Variants in ABLIM2 observed in about 807,000 individuals in gnomAD.
ABLIM2 encodes the protein actin binding LIM protein family member 2, also known as actin-binding LIM protein 2.
In ABLIM2, 53 loss-of-function variants were observed where a neutral mutation model predicts 97.7. The ratio of observed to expected loss-of-function variants is 0.54; its 90% CI spans 0.44 to 0.68. The LOEUF is 0.68. ABLIM2 is among the 30% of genes least tolerant of loss of function. ABLIM2 has a pLI of 0.00. For missense variants in ABLIM2, 835 were observed against 867.2 expected (o/e 0.96, Z 0.47); for synonymous variants, 361 against 345.8 (o/e 1.04, Z -0.49).
At chr4:8,105,805 AT>A (rs1323885495) in intron 2 of ABLIM2, among the ~76,000 whole-genome samples, 1 of 152,206 alleles carries the variant, frequency 6.6e-6, no homozygotes, top group Non-Finnish European at 1.5e-5. Context: ...CTCCAGTGCT[AT>A]TTTTAATCTA....
chr4:8,099,003 G>A (rs937457325), intron 2 of ABLIM2, among the ~76,000 whole-genome samples: 1 of 152,240 alleles, frequency 6.6e-6, no homozygotes, highest in African/African-American at 2.4e-5. Context: ...CTCCTCCTGG[G>A]CGTTCCGGGG....
chr4:8,043,074 C>A lies in ABLIM2; in HGVS notation c.900+2090G>T, dbSNP rs1789796987. 6.6e-6 allele frequency among the ~76,000 whole-genome samples: 1 copy of A among 151,998 alleles called. No homozygotes were observed. Among genetic ancestry groups the A allele is most frequent in the African/African-American group, 2.4e-5 (1 of 41,372 alleles). On this transcript the variant is annotated intron_variant, in intron 9 of 20. Coordinates refer to ENST00000447017, the MANE Select transcript of ABLIM2 (RefSeq NM_001130083.2). The surrounding 1 kb of genome is among the most constrained non-coding windows in gnomAD (Gnocchi z 4.8). ...GCTGAGGTGGGAGGATCGCCTGAGC[C>A]CGGGGAGGTTGAGGCTGCCATGAGC...
chr4:8,072,366 G>A lies in ABLIM2; in HGVS notation c.675+5262C>T, dbSNP rs546594076. The stretch of plus-strand genomic sequence containing the variant: ...CCACTTTGCTCGCCCAGTGCGGAGC[G>A]TGCCTGAGGCAGAGCAGCCCCAGTT... On this transcript the variant is annotated intron_variant, in intron 6 of 20. Transcript: ENST00000447017. This position sits in a 1 kb window ranked among gnomAD's most constrained non-coding sequence, Gnocchi z 5.8. 6.6e-5 allele frequency among the ~76,000 whole-genome samples: 10 copies of A among 152,308 alleles called. No individual in the cohort carries two copies. In the South Asian group the frequency reaches 1.4e-3, roughly 22 times the overall value.
Position 8,147,041 on chromosome 4 carries a change from C to A in ABLIM2, c.10+11639G>T, listed in dbSNP as rs571592221. On this transcript the variant is annotated intron_variant, in intron 1 of 20. Transcript: ENST00000447017. The surrounding 1 kb of genome is among the most constrained non-coding windows in gnomAD (Gnocchi z 5.3). ...CAGAGCATGTAACCCCTGCAATCAACGGCTTTTTATTTCTGAAATTCATGT... is the reference window on the plus strand; with the variant it reads ...CAGAGCATGTAACCCCTGCAATCAAAGGCTTTTTATTTCTGAAATTCATGT... Among the ~76,000 whole-genome samples, 1 of 152,132 alleles carries A rather than the reference C, an allele frequency of 6.6e-6. No homozygotes were observed. Among genetic ancestry groups the A allele is most frequent in the East Asian group, 1.9e-4 (1 of 5,194 alleles).
At chr4:8,100,686 C>T (rs1022337173) in intron 2 of ABLIM2, among the ~76,000 whole-genome samples, 1 of 137,708 alleles carries the variant, frequency 7.3e-6, no homozygotes, top group African/African-American at 2.7e-5. Flanking sequence ...GCGGAGATTG[C>T]GGTGAGCCAA....
intron 1 of ABLIM2, among the ~76,000 whole-genome samples, chr4:8,119,210 C>T (rs1282881760): frequency 6.6e-6 from 1 of 151,950 alleles, no homozygotes; most frequent in Non-Finnish European, 1.5e-5. Context: ...AAGAGAGCCC[C>T]AATCTCACTT....
chr4:8,145,896 C>T (rs868690854), intron 1 of ABLIM2, among the ~76,000 whole-genome samples: 5 of 151,942 alleles, frequency 3.3e-5, no homozygotes, highest in African/African-American at 4.8e-5. Context: ...CCTGGCCAGC[C>T]GCCGGGGAGG....
Position 8,002,324 on chromosome 4 carries a change from T to C in ABLIM2, c.1618+5735A>G, listed in dbSNP as rs922311375. ...CCGGCCTGCACCAGAGCCAACCCAGTGTCTTCTTTGATTCCGTCACCCCCG... is the reference window on the plus strand; with the variant it reads ...CCGGCCTGCACCAGAGCCAACCCAGCGTCTTCTTTGATTCCGTCACCCCCG... On this transcript the variant is annotated intron_variant, in intron 16 of 20. Coordinates refer to ENST00000447017, the MANE Select transcript of ABLIM2 (RefSeq NM_001130083.2). The surrounding 1 kb of genome is among the most constrained non-coding windows in gnomAD (Gnocchi z 6.1). Among the ~76,000 whole-genome samples, 12 of 152,078 alleles carry C rather than the reference T, an allele frequency of 7.9e-5. No individual in the cohort carries two copies. The highest frequency in any genetic ancestry group is 1.5e-4 in the Non-Finnish European group (10 of 68,018).
intron 10 of ABLIM2, 81 bp downstream of exon 10, chr4:8,036,068 C>T: frequency 6.6e-7 from 1 of 1,524,638 alleles, no homozygotes; most frequent in Non-Finnish European, 8.9e-7. Context: ...CCCCATAGGA[C>T]ACATGCTAGG....
At chr4:8,092,091 G>C (rs1047327250) in intron 3 of ABLIM2, among the ~76,000 whole-genome samples, 2 of 149,896 alleles carry the variant, frequency 1.3e-5, no homozygotes, top group Non-Finnish European at 3.0e-5. Flanking sequence ...TCTGCCTCCT[G>C]GGTTCAAGTG....
chr4:8,052,377 G>C (rs1458940437), intron 8 of ABLIM2, among the ~76,000 whole-genome samples: 1 of 152,214 alleles, frequency 6.6e-6, no homozygotes, highest in East Asian at 1.9e-4. Flanking sequence ...TCATCCCTGA[G>C]ACCCAGCGCA....
Position 8,132,070 on chromosome 4 carries a change from G to T in ABLIM2, c.11-25433C>A, listed in dbSNP as rs1465368976. Among the ~76,000 whole-genome samples the T allele has an allele frequency of 6.6e-6, 1 of 151,002 alleles. No individual in the cohort carries two copies. The highest frequency in any genetic ancestry group is 2.5e-5 in the African/African-American group (1 of 40,432). ...GCTGTGCCGGCCGAGCTCAGGCCTCGGGGTGCCTGGACATCCCTCCGTGGG... is the reference window on the plus strand; with the variant it reads ...GCTGTGCCGGCCGAGCTCAGGCCTCTGGGTGCCTGGACATCCCTCCGTGGG... On this transcript the variant is annotated intron_variant, in intron 1 of 20. Coordinates refer to ENST00000447017, the MANE Select transcript of ABLIM2 (RefSeq NM_001130083.2). The surrounding 1 kb of genome is among the most constrained non-coding windows in gnomAD (Gnocchi z 8.0).
intron 1 of ABLIM2, among the ~76,000 whole-genome samples, chr4:8,115,984 A>G (rs771567174): frequency 7.2e-5 from 11 of 152,242 alleles, no homozygotes; most frequent in Non-Finnish European, 1.6e-4. Context: ...GAAGGACCAC[A>G]GAAGTCCCCA....
intron 1 of ABLIM2, among the ~76,000 whole-genome samples, chr4:8,151,990 C>A (rs939306289): frequency 1.3e-5 from 2 of 152,096 alleles, no homozygotes; most frequent in African/African-American, 4.8e-5. Flanking sequence ...TAGGCAGGAA[C>A]CCCCATAGGA....
chr4:8,007,463 T>G, intron 16 of ABLIM2: 1 of 985,530 alleles, frequency 1.0e-6, no homozygotes. Context: ...GAGTGAGCAC[T>G]TGCTACTGGT....
At chr4:8,042,604 G>C (rs1234885724) in intron 9 of ABLIM2, among the ~76,000 whole-genome samples, 1 of 152,198 alleles carries the variant, frequency 6.6e-6, no homozygotes, top group African/African-American at 2.4e-5. Context: ...ACTGTGGCAG[G>C]CCAGGCGAGT....
intron 20 of ABLIM2, among the ~76,000 whole-genome samples, chr4:7,978,598 C>T (rs1735530078): frequency 6.6e-6 from 1 of 152,196 alleles, no homozygotes; most frequent in Admixed American, 6.5e-5. Context: ...GAGCAATTAA[C>T]TCCAGCACCA....
intron 1 of ABLIM2, among the ~76,000 whole-genome samples, chr4:8,109,541 C>T (rs1192765968): frequency 6.6e-6 from 1 of 152,178 alleles, no homozygotes; most frequent in African/African-American, 2.4e-5. Flanking sequence ...TTCCCAGAAC[C>T]CCACATCCCG....
In ABLIM2 at chr4:8,128,054, C is replaced by G. The variant is rs1224459301; in HGVS notation, c.11-21417G>C. The stretch of plus-strand genomic sequence containing the variant: ...CAGAAGTCTGACATGAAGGTGCCAG[C>G]AGGACCCTGCTCTTCACAGGGGTAT... On this transcript the variant is annotated intron_variant, in intron 1 of 20. Coordinates refer to ENST00000447017, the MANE Select transcript of ABLIM2 (RefSeq NM_001130083.2). The surrounding 1 kb of genome is among the most constrained non-coding windows in gnomAD (Gnocchi z 4.9). Among the ~76,000 whole-genome samples, 1 of 152,204 alleles carries G rather than the reference C, an allele frequency of 6.6e-6. No homozygotes were observed. Among genetic ancestry groups the G allele is most frequent in the Non-Finnish European group, 1.5e-5 (1 of 68,028 alleles).
Sources: gnomAD v4.1 joint callset for allele counts (sites outside exome capture counted in the v4.1 genomes callset) on GRCh38, gnomAD v4.1.1 for gene constraint, Gnocchi (gnomAD v3.1) non-coding constraint, MANE v1.5 for transcripts, NCBI Gene and HGNC (gene_info 2026-07-23, HGNC 2026-07-21) for gene names.